Variants in ATPAF1 observed in about 807,000 individuals in gnomAD.
ATPAF1 encodes ATP synthase mitochondrial F1 complex assembly factor 1, also known as homolog of yeast ATP11.
ATPAF1 carries 26 observed loss-of-function variants against 43.9 expected under a neutral mutation model. The observed-to-expected ratio is 0.59, with a 90% CI of 0.43 to 0.82. ATPAF1 has a LOEUF of 0.82. Among genes scored for constraint, ATPAF1 ranks in the 40% least tolerant of loss-of-function variants. The pLI is 0.00. For synonymous variants in ATPAF1, 157 were observed against 168.0 expected (o/e 0.93, Z 0.50); for missense variants, 366 against 435.0 (o/e 0.84, Z 1.41).
intron 1 of ATPAF1, chr1:46,665,705 C>T: frequency 2.6e-6 from 4 of 1,531,868 alleles, no homozygotes; most frequent in Non-Finnish European, 2.6e-6. Flanking sequence ...AGACAAGAAT[C>T]CTATAGCCTC....
intron 2 of ATPAF1, among the ~76,000 whole-genome samples, chr1:46,659,743 C>G (rs758589671): frequency 3.3e-5 from 5 of 152,166 alleles, no homozygotes; most frequent in Admixed American, 1.3e-4. Context: ...ACCTGGGATT[C>G]TGAGGCTGAA....
At chr1:46,660,567 T>C (rs1187657108) in intron 2 of ATPAF1, among the ~76,000 whole-genome samples, 1 of 152,230 alleles carries the variant, frequency 6.6e-6, no homozygotes, top group Non-Finnish European at 1.5e-5. Flanking sequence ...AATAGCACAA[T>C]ATTTTCCTGT....
chr1:46,648,395 A>G (rs944542524), intron 6 of ATPAF1, among the ~76,000 whole-genome samples: 1 of 152,090 alleles, frequency 6.6e-6, no homozygotes, highest in African/African-American at 2.4e-5. Flanking sequence ...TACATGCGTG[A>G]GCCACCACAC....
At chr1:46,662,874 T>G (rs1333343491) in intron 2 of ATPAF1, among the ~76,000 whole-genome samples, 3 of 152,210 alleles carry the variant, frequency 2.0e-5, no homozygotes, top group African/African-American at 7.2e-5. Flanking sequence ...GTTGGTGTGC[T>G]GCACCCATTA....
chr1:46,658,773 T>C (rs377399984), intron 2 of ATPAF1, 36 bp from the exon 3 acceptor site: 4 of 1,474,548 alleles, frequency 2.7e-6, no homozygotes, highest in Non-Finnish European at 3.7e-6. Context: ...ATCTACACTT[T>C]ACTCATAAGA....
chr1:46,654,587 T>C (rs1676232407), intron 4 of ATPAF1, among the ~76,000 whole-genome samples: 2 of 150,620 alleles, frequency 1.3e-5, no homozygotes, highest in South Asian at 4.2e-4. Context: ...GGTACATGTG[T>C]ACAACATGCA....
chr1:46,666,531 A>C (rs1408185777), intron 1 of ATPAF1, among the ~76,000 whole-genome samples: 1 of 152,250 alleles, frequency 6.6e-6, no homozygotes, highest in African/African-American at 2.4e-5. Flanking sequence ...CCAGTGGGAG[A>C]GACAGGCATA....
At chr1:46,662,816 T>G (rs1209856892) in intron 2 of ATPAF1, among the ~76,000 whole-genome samples, 1 of 152,234 alleles carries the variant, frequency 6.6e-6, no homozygotes, top group Non-Finnish European at 1.5e-5. Context: ...AGTTTTAGGG[T>G]ACATGTACAC....
chr1:46,633,596 G>C (rs535259876), downstream of ATPAF1: 1 of 409,552 alleles, frequency 2.4e-6, no homozygotes, highest in African/African-American at 2.1e-5. Flanking sequence ...TTTTCTTTGA[G>C]TTCTTTGCCA....
At chr1:46,665,046 C>T (rs191296879) in intron 2 of ATPAF1, 314 of 542,074 alleles carry the variant, frequency 5.8e-4, no homozygotes, top group Non-Finnish European at 8.8e-4. Flanking sequence ...CAGGAAGTAC[C>T]CCTCTCATAC....
chr1:46,660,385 T>C (rs1342304791), intron 2 of ATPAF1, among the ~76,000 whole-genome samples: 4 of 152,210 alleles, frequency 2.6e-5, no homozygotes, highest in African/African-American at 7.2e-5. Flanking sequence ...TCATGAAGCC[T>C]CATGTATCGG....
chr1:46,636,847 T>C (rs1433332176), intron 8 of ATPAF1, among the ~76,000 whole-genome samples: 1 of 152,168 alleles, frequency 6.6e-6, no homozygotes, highest in Non-Finnish European at 1.5e-5. Flanking sequence ...AAAAGTCAGT[T>C]GCCATGTAGT....
At position 46,661,934 on chromosome 1, in the gene ATPAF1, G is replaced by A. The variant is rs141720543; in HGVS notation, c.376-3197C>T. Among the ~76,000 whole-genome samples the A allele has an allele frequency of 4.5e-3, 636 of 140,850 alleles. 1 individual carries two copies. The highest frequency in any genetic ancestry group is 0.016 in the African/African-American group (582 of 37,484). The allele number at this position is 140,850 out of a possible 152,430, so 92.4% of individuals were successfully genotyped here. ...TTTTAAGATGGAGTCTCACTCTGTC[G>A]TCCAGGCTGGAGTGCAGTGGTGTGA... On this transcript the variant is annotated intron_variant, in intron 2 of 8. Coordinates refer to ENST00000574428, the Ensembl canonical transcript of ATPAF1.
In ATPAF1 at chr1:46,643,356, A is replaced by T. The variant is rs552544135; in HGVS notation, c.685-55T>A. ...ATAAGGTACCATCACAACAAACTGC[A>T]ATTTCAAAGCAATAGACAGTCTAGA... On this transcript the variant is annotated intron_variant, in intron 7 of 8. Coordinates refer to ENST00000574428, the Ensembl canonical transcript of ATPAF1. 257 of 1,388,616 alleles carry T rather than the reference A, an allele frequency of 1.9e-4. 5 individuals carry two copies. In the South Asian group the frequency reaches 2.6e-3, roughly 14 times the overall value. 86.0% of individuals were successfully genotyped at this position (1,388,616 alleles called of 1,614,324 possible). A position where few individuals can be genotyped will look rare whatever the true frequency, so the allele number is the denominator to read the frequency against.
At chr1:46,654,011 G>A (rs558751192) in intron 4 of ATPAF1, 144 bp from the exon 5 acceptor site, 8 of 609,452 alleles carry the variant, frequency 1.3e-5, no homozygotes, top group Admixed American at 3.3e-5. Flanking sequence ...TTCATTACTA[G>A]CACATCACAA....
chr1:46,665,828 A>T (rs1367803987), intron 1 of ATPAF1: 5 of 1,432,408 alleles, frequency 3.5e-6, no homozygotes, highest in Non-Finnish European at 9.1e-7. Flanking sequence ...GGCTTTAGGT[A>T]GCCTATTTTG....
At position 46,652,567 on chromosome 1, in the gene ATPAF1, C is replaced by A. The variant is rs953442302; in HGVS notation, c.588+14G>T. The A allele has an allele frequency of 5.4e-5, 87 of 1,611,782 alleles. No homozygotes were observed. The highest frequency in any genetic ancestry group is 6.7e-5 in the African/African-American group (5 of 74,818). ...CATTGATAAGCAACCCTTACGTGAT[C>A]ACCAGAAACTTACTGTTGGACAGGA... On this transcript the variant is annotated intron_variant, in intron 6 of 8. Coordinates refer to ENST00000574428, the Ensembl canonical transcript of ATPAF1.
chr1:46,650,510 C>A (rs1472205453), intron 6 of ATPAF1, among the ~76,000 whole-genome samples: 2 of 152,138 alleles, frequency 1.3e-5, no homozygotes, highest in East Asian at 3.8e-4. Flanking sequence ...ATCCAGCAGT[C>A]CCACTACTGG....
upstream of ATPAF1, chr1:46,668,455 C>G (rs1676535582): frequency 2.9e-6 from 3 of 1,048,036 alleles, no homozygotes; most frequent in African/African-American, 5.1e-5. The surrounding 1 kb of genome is among the most constrained non-coding windows in gnomAD (Gnocchi z 4.4). Flanking sequence ...AGGTTCCGGG[C>G]GCGGGATAGC....
Sources: allele counts gnomAD v4.1 joint callset (sites outside exome capture counted in the v4.1 genomes callset), GRCh38; gene constraint gnomAD v4.1.1; non-coding constraint Gnocchi (gnomAD v3.1); transcripts MANE v1.5; gene names NCBI Gene and HGNC (gene_info 2026-07-23, HGNC 2026-07-21).